The following CSF2RA variants were observed in gnomAD, a reference collection of about 807,000 sequenced individuals.
CSF2RA encodes the protein granulocyte-macrophage colony-stimulating factor receptor subunit alpha.
CSF2RA carries 42 observed loss-of-function variants against 51.6 expected under a neutral mutation model. The ratio of observed to expected loss-of-function variants is 0.81; its 90% confidence interval spans 0.64 to 1.05. The LOEUF (loss-of-function observed/expected upper bound fraction) is 1.05. CSF2RA is among the 50% of genes least tolerant of loss of function. CSF2RA has a pLI of 0.00. For missense variants in CSF2RA, 530 were observed against 501.1 expected (o/e 1.06, Z -0.55); for synonymous variants, 222 against 193.0 (o/e 1.15, Z -1.24).
intron 7 of CSF2RA, among the ~76,000 whole-genome samples, chrX:1,291,825 CAGG>C (rs2091430547): frequency 6.7e-6 from 1 of 148,900 alleles, no homozygotes; most frequent in Non-Finnish European, 1.5e-5. Context: ...CCAGTGTAGA[CAGG>C]AGGAGACTGC....
the CSF2RA span, among the ~76,000 whole-genome samples, chrX:1,323,979 A>C: frequency 6.6e-6 from 1 of 151,766 alleles, no homozygotes; most frequent in Non-Finnish European, 1.5e-5. Flanking sequence ...ACCCCACTGC[A>C]TTCCAGCCTG....
At chrX:1,315,876 CAGAT>C in the CSF2RA span, among the ~76,000 whole-genome samples, 33,715 of 150,006 alleles carry the variant, frequency 0.22, 3,909 homozygotes, top group African/African-American at 0.27. Context: ...GGATAGATGA[CAGAT>C]AGATAGACTC....
Position 1,290,396 on chromosome X carries a change from G to A in CSF2RA, c.533G>A (p.Cys178Tyr), listed in dbSNP as rs1389396061. 3 of 1,613,302 alleles carry A rather than the reference G, an allele frequency of 1.9e-6. No homozygotes were observed. The highest frequency in any genetic ancestry group is 1.7e-5 in the Admixed American group (1 of 59,980). ...CAAGACTCAGGAACCCATGTGGGAT[G>A]TCACCTGGATAACCTGTCAGGATTA... The part of the protein sequence containing the change: ...YIQDSGTHVG[C>Y]HLDNLSGLTS... Residue 178 changes from cysteine (C) to tyrosine (Y), a missense_variant, in exon 7 of 13, where the codon TGT (cysteine) becomes TAT (tyrosine). Cys to Tyr is a radical substitution (Grantham distance 194). Coordinates refer to ENST00000381529, the MANE Select transcript of CSF2RA (RefSeq NM_172245.4).
intron 9 of CSF2RA, among the ~76,000 whole-genome samples, chrX:1,299,784 G>T (rs2092248448): frequency 6.6e-6 from 1 of 152,154 alleles, no homozygotes; most frequent in Non-Finnish European, 1.5e-5. Flanking sequence ...CATGCGTGGT[G>T]GCGGGCGCCT....
In CSF2RA at chrX:1,294,387, C is replaced by T. The variant is rs200071635; in HGVS notation, c.706C>T (p.Arg236Trp). The change falls in exon 8 of 13, where the codon CGG becomes TGG. Residue 236 changes from arginine (R) to tryptophan (W), a missense_variant. Transcript: ENST00000381529. ...TTGCAACACGACGCACTGCCTCGTA[C>T]GGTGGAAACAGCCCAGGACCTATCA... ...VRCNTTHCLV[R>W]WKQPRTYQKL... 4.0e-5 allele frequency: 65 copies of T among 1,613,806 alleles called. No individual in the cohort carries two copies. Among genetic ancestry groups the T allele is most frequent in the South Asian group, 8.8e-5 (8 of 91,072 alleles).
At chrX:1,308,648 C>A (rs28736568) in intron 12 of CSF2RA, among the ~76,000 whole-genome samples, 11,067 of 152,100 alleles carry the variant, frequency 0.073, 482 homozygotes, top group South Asian at 0.13. Context: ...CACTTGCACA[C>A]CCCCATCCTA....
intron 4 of CSF2RA, among the ~76,000 whole-genome samples, chrX:1,288,154 G>T (rs1232954879): frequency 6.6e-6 from 1 of 151,916 alleles, no homozygotes; most frequent in Non-Finnish European, 1.5e-5. Context: ...ATTTCACAAA[G>T]GGAGGCAGGT....
intron 3 of CSF2RA, 133 bp from the exon 4 acceptor site, chrX:1,285,645 T>A: frequency 9.6e-7 from 1 of 1,038,124 alleles, no homozygotes; most frequent in Admixed American, 3.0e-5. Context: ...CAGCTTGCAG[T>A]GACCTGAGAT....
At chrX:1,296,198 C>T (rs1350000150) in intron 9 of CSF2RA, among the ~76,000 whole-genome samples, 8 of 150,354 alleles carry the variant, frequency 5.3e-5, no homozygotes, top group Non-Finnish European at 1.2e-4. Flanking sequence ...ACTAACCATA[C>T]AGTTCCCTAT....
chrX:1,277,423 C>A (rs1163832688), intron 2 of CSF2RA, among the ~76,000 whole-genome samples: 2 of 149,702 alleles, frequency 1.3e-5, no homozygotes, highest in African/African-American at 4.9e-5. Context: ...TGGTGAAACC[C>A]CATCTCTACT....
chrX:1,271,342 T>C (rs2088384764), intron 1 of CSF2RA, among the ~76,000 whole-genome samples: 1 of 48,800 alleles, frequency 2.0e-5, no homozygotes. Flanking sequence ...ATTTTTTTTT[T>C]TTTTTTTTTT....
chrX:1,271,993 A>T (rs2088499323), intron 1 of CSF2RA, among the ~76,000 whole-genome samples: 1 of 142,514 alleles, frequency 7.0e-6, no homozygotes, highest in African/African-American at 2.6e-5. Context: ...TCGCTCTGTC[A>T]CCGAGGCTGG....
chrX:1,321,344 C>T, the CSF2RA span, among the ~76,000 whole-genome samples: 1 of 152,076 alleles, frequency 6.6e-6, no homozygotes, highest in Admixed American at 6.6e-5. Flanking sequence ...TGGCAAGCTC[C>T]TGTAGTCCCA....
Position 1,273,226 on chromosome X carries a change from G to A in CSF2RA, c.-90-1529G>A, listed in dbSNP as rs762715766. ...TGGGATTTATTGAACCCTGTATATC[G>A]TGACTTACTTTCCAACCTGACTCTG... On this transcript the variant is annotated intron_variant, in intron 1 of 12. Transcript: ENST00000381529. Among the ~76,000 whole-genome samples the A allele has an allele frequency of 1.2e-3, 187 of 151,960 alleles. 4 individuals carry two copies. The highest frequency in any genetic ancestry group is 3.4e-3 in the Middle Eastern group (1 of 292).
the CSF2RA span, among the ~76,000 whole-genome samples, chrX:1,322,255 G>C: frequency 6.9e-6 from 1 of 145,012 alleles, no homozygotes; most frequent in Non-Finnish European, 1.5e-5. Flanking sequence ...ACAGGTGCCC[G>C]CCACGTCACC....
chrX:1,317,131 G>T, the CSF2RA span, among the ~76,000 whole-genome samples: 1 of 150,108 alleles, frequency 6.7e-6, no homozygotes, highest in Non-Finnish European at 1.5e-5. Flanking sequence ...TGCATTTTTA[G>T]TAGAGACGAG....
At chrX:1,295,796 G>A (rs1334558540) in intron 9 of CSF2RA, among the ~76,000 whole-genome samples, 1 of 149,574 alleles carries the variant, frequency 6.7e-6, no homozygotes, top group African/African-American at 2.5e-5. Flanking sequence ...TGGACCCCGT[G>A]TAGACAGGAA....
chrX:1,308,993 C>T (rs1375629410), intron 12 of CSF2RA, among the ~76,000 whole-genome samples: 2 of 152,144 alleles, frequency 1.3e-5, no homozygotes, highest in South Asian at 2.1e-4. Flanking sequence ...TTTGGGAGGC[C>T]GAGGCGAGTG....
the CSF2RA span, among the ~76,000 whole-genome samples, chrX:1,319,247 C>T: frequency 7.3e-5 from 11 of 149,942 alleles, no homozygotes; most frequent in Non-Finnish European, 1.3e-4. Flanking sequence ...CCACCCGGCT[C>T]GGCCTCCCAA....
Sources: allele counts gnomAD v4.1 joint callset (sites outside exome capture counted in the v4.1 genomes callset), GRCh38; gene constraint gnomAD v4.1.1; transcripts MANE v1.5; gene names NCBI Gene and HGNC (gene_info 2026-07-23, HGNC 2026-07-21).